The following ASB3 variants were observed in gnomAD, a reference collection of about 807,000 sequenced individuals.
ASB3 encodes the protein ankyrin repeat and SOCS box containing 3, also known as ankyrin repeat and SOCS box protein 3.
A neutral mutation model predicts 54.5 loss-of-function variants in ASB3; 41 were observed. That is an observed-to-expected ratio of 0.75 (90% CI 0.59 to 0.98). The LOEUF is 0.98. ASB3 is among the 50% of genes least tolerant of loss of function. ASB3 has a pLI of 0.00. For missense variants in ASB3, 733 were observed against 620.0 expected (o/e 1.18, Z -1.94); for synonymous variants, 266 against 221.2 (o/e 1.20, Z -1.80).
chr2:53,674,206 A>G (rs1667964257), intron 9 of ASB3, among the ~76,000 whole-genome samples: 1 of 152,214 alleles, frequency 6.6e-6, no homozygotes, highest in African/African-American at 2.4e-5. Context: ...TGTTAAATAC[A>G]TCTCCATGTT....
intron 3 of ASB3, among the ~76,000 whole-genome samples, chr2:53,740,213 A>AT (rs1671859637): frequency 6.6e-6 from 1 of 152,154 alleles, no homozygotes; most frequent in Admixed American, 6.5e-5. Context: ...TATGCATTTC[A>AT]TTTTTCTATA....
At position 53,732,086 on chromosome 2, in the gene ASB3, G is replaced by A. The variant is rs143456997; in HGVS notation, c.356-2516C>T. On this transcript the variant is annotated intron_variant, in intron 3 of 9. Coordinates refer to ENST00000263634, the MANE Select transcript of ASB3 (RefSeq NM_016115.5). ...CGATTCTTCTGCCTCAACCTCCCGAGTAGCTGGGATTACAGGTGTGCACCA... is the reference window on the plus strand; with the variant it reads ...CGATTCTTCTGCCTCAACCTCCCGAATAGCTGGGATTACAGGTGTGCACCA... 3.1e-4 allele frequency among the ~76,000 whole-genome samples: 47 copies of A among 152,126 alleles called. 1 individual carries two copies. Among genetic ancestry groups the A allele is most frequent in the Non-Finnish European group, 6.0e-4 (41 of 68,012 alleles).
At chr2:53,770,373 C>T (rs1479296733) in intron 1 of ASB3, among the ~76,000 whole-genome samples, 1 of 151,944 alleles carries the variant, frequency 6.6e-6, no homozygotes, top group Non-Finnish European at 1.5e-5. Context: ...GATTTAGGCT[C>T]GCTATGTGCC....
chr2:53,733,280 A>G (rs1671422003), intron 3 of ASB3, among the ~76,000 whole-genome samples: 1 of 152,204 alleles, frequency 6.6e-6, no homozygotes, highest in South Asian at 2.1e-4. Context: ...AATTGAAACA[A>G]TGTTGCTAAC....
chr2:53,716,346 C>T (rs968780566), intron 6 of ASB3, among the ~76,000 whole-genome samples: 3 of 152,010 alleles, frequency 2.0e-5, no homozygotes, highest in African/African-American at 7.3e-5. Flanking sequence ...CCTGAGCCTA[C>T]CCAGTCTGTA....
At chr2:53,751,932 T>C (rs1347989616) in intron 2 of ASB3, among the ~76,000 whole-genome samples, 1 of 152,214 alleles carries the variant, frequency 6.6e-6, no homozygotes, top group Non-Finnish European at 1.5e-5. Flanking sequence ...GTTTCAGAGA[T>C]TAGTCAGAAG....
At chr2:53,692,397 G>A (rs2103724353) in intron 9 of ASB3, among the ~76,000 whole-genome samples, 1 of 152,252 alleles carries the variant, frequency 6.6e-6, no homozygotes, top group South Asian at 2.1e-4. Context: ...CAAGAAAAGA[G>A]GGCTTGGCTA....
chr2:53,769,250 C>CCT (rs1673718212), intron 1 of ASB3, among the ~76,000 whole-genome samples: 1 of 152,194 alleles, frequency 6.6e-6, no homozygotes, highest in Non-Finnish European at 1.5e-5. Flanking sequence ...GTAGCTCACG[C>CCT]CTCTGATCCC....
intron 9 of ASB3, among the ~76,000 whole-genome samples, chr2:53,692,364 G>C (rs1668961752): frequency 6.6e-6 from 1 of 152,148 alleles, no homozygotes; most frequent in African/African-American, 2.4e-5. Context: ...CCAAAAGATA[G>C]TTGGGATAAA....
chr2:53,714,380 A>G lies in ASB3; in HGVS notation c.980+4T>C, dbSNP rs1232653383. 2 of 1,614,052 alleles carry G rather than the reference A, an allele frequency of 1.2e-6. No homozygotes were observed. The highest frequency in any genetic ancestry group is 1.7e-6 in the Non-Finnish European group (2 of 1,179,992). On this transcript the variant is annotated splice_donor_region_variant and intron_variant, in intron 7 of 9. Coordinates refer to ENST00000263634, the MANE Select transcript of ASB3 (RefSeq NM_016115.5). ...AAAAATAAAAACATAGCAAATATAC[A>G]TACTCCTTTTGGAAAGCCATGCACA...
intron 8 of ASB3, among the ~76,000 whole-genome samples, chr2:53,695,739 A>C (rs1669149157): frequency 6.6e-6 from 1 of 152,162 alleles, no homozygotes; most frequent in Non-Finnish European, 1.5e-5. Flanking sequence ...AGTGACATTT[A>C]ATCAACTAAA....
chr2:53,767,481 G>C (rs536105709), intron 1 of ASB3: 1 of 164,928 alleles, frequency 6.1e-6, no homozygotes. Context: ...ATCTGGACAC[G>C]AGTGACGACT....
rs187374452 is a variant in ASB3 at position 53,709,907 on chromosome 2, G to C, written c.980+4477C>G. On this transcript the variant is annotated intron_variant, in intron 7 of 9. Coordinates refer to ENST00000263634, the MANE Select transcript of ASB3 (RefSeq NM_016115.5). ...CTCTCTTAGACCTCTTCCTCTGAGG[G>C]AATCAGCTACCATGCCATGAGGATA... Among the ~76,000 whole-genome samples, 41 of 152,268 alleles carry C rather than the reference G, an allele frequency of 2.7e-4. No homozygotes were observed. The East Asian group carries it at 7.7e-3, about 29-fold the overall frequency.
intron 3 of ASB3, among the ~76,000 whole-genome samples, chr2:53,732,925 A>C (rs566299405): frequency 6.6e-6 from 1 of 152,250 alleles, no homozygotes; most frequent in African/African-American, 2.4e-5. Flanking sequence ...GATGGGCTGA[A>C]GAGGAGACCC....
At chr2:53,701,081 C>T (rs779956740) in intron 7 of ASB3, among the ~76,000 whole-genome samples, 2 of 152,082 alleles carry the variant, frequency 1.3e-5, no homozygotes, top group Non-Finnish European at 2.9e-5. Context: ...TCCAGTGATC[C>T]GCCCACTTCA....
chr2:53,707,677 T>C (rs1197149350), intron 7 of ASB3, among the ~76,000 whole-genome samples: 2 of 136,178 alleles, frequency 1.5e-5, no homozygotes, highest in Non-Finnish European at 3.1e-5. Flanking sequence ...AAATGCAGAG[T>C]ATGCCGGGCA....
chr2:53,671,708 G>A (rs987623042), intron 9 of ASB3, among the ~76,000 whole-genome samples: 4 of 113,586 alleles, frequency 3.5e-5, no homozygotes, highest in East Asian at 1.9e-4. Flanking sequence ...GCAGTGAGCC[G>A]AGATCATGCC....
Position 53,709,800 on chromosome 2 carries a change from T to G in ASB3, c.980+4584A>C, listed in dbSNP as rs150378064. 2.9e-3 allele frequency among the ~76,000 whole-genome samples: 441 copies of G among 152,312 alleles called. 3 individuals are homozygous for G. The highest frequency in any genetic ancestry group is 4.8e-3 in the Non-Finnish European group (327 of 68,022). ...GTGCTTTTGTACAGTCTTTCCATATTGAATCAGGGCTTGTGTATGTGATCT... is the reference window on the plus strand; with the variant it reads ...GTGCTTTTGTACAGTCTTTCCATATGGAATCAGGGCTTGTGTATGTGATCT... On this transcript the variant is annotated intron_variant, in intron 7 of 9. Transcript: ENST00000263634.
At position 53,670,620 on chromosome 2, in the gene ASB3, C is replaced by T. The variant is rs1667759938; in HGVS notation, c.1440G>A (p.Arg480=). 7 of 1,613,970 alleles carry T rather than the reference C, an allele frequency of 4.3e-6. No homozygotes were observed. The highest frequency in any genetic ancestry group is 5.9e-6 in the Non-Finnish European group (7 of 1,179,974). The change falls in exon 10 of 10, where the codon CGG becomes CGA. Residue 480 remains arginine, a synonymous_variant. Coordinates refer to ENST00000263634, the MANE Select transcript of ASB3 (RefSeq NM_016115.5). The part of the protein sequence containing the change: ...IRSSLKSERL[R]SDSYISQLPL... ...GCAGCTGACTAATATAACTGTCAGA[C>T]CGTAGACGTTCTGATTTTAGACTGG...
Sources: allele counts gnomAD v4.1 joint callset (sites outside exome capture counted in the v4.1 genomes callset), GRCh38; gene constraint gnomAD v4.1.1; transcripts MANE v1.5; gene names NCBI Gene and HGNC (gene_info 2026-07-23, HGNC 2026-07-21).